PTPRD: variants seen among roughly 807,000 people sequenced by gnomAD.
The protein encoded by PTPRD is protein tyrosine phosphatase receptor type D.
In PTPRD, 34 loss-of-function variants were observed where a neutral mutation model predicts 214.5. That is an observed-to-expected ratio of 0.16 (90% CI 0.12 to 0.21). The LOEUF is 0.21. Ranked by LOEUF, PTPRD falls within the 10% of genes least tolerant of loss-of-function variation. PTPRD has a pLI of 1.00. For synonymous variants in PTPRD, 1,128 were observed against 845.7 expected, an observed-to-expected ratio of 1.33 and a Z score of -5.79; for missense variants, 2,545 against 2,398.7, an observed-to-expected ratio of 1.06 and a Z score of -1.27.
chr9:9,085,723 A>G (rs186188445), intron 10 of PTPRD, among the ~76,000 whole-genome samples: 1 of 152,058 alleles, frequency 6.6e-6, no homozygotes, highest in East Asian at 1.9e-4. Flanking sequence ...TGCCATATAC[A>G]GGGTCAAATG....
chr9:8,477,263 A>G (rs1334576047), intron 30 of PTPRD, among the ~76,000 whole-genome samples: 1 of 152,210 alleles, frequency 6.6e-6, no homozygotes, highest in African/African-American at 2.4e-5. Context: ...CTATTAAAGT[A>G]ATAGAAAAAT....
At chr9:9,761,813 GA>G (rs2098659896) in intron 6 of PTPRD, among the ~76,000 whole-genome samples, 1 of 151,940 alleles carries the variant, frequency 6.6e-6, no homozygotes, top group Non-Finnish European at 1.5e-5. Flanking sequence ...AAACTGAACA[GA>G]ATTAGTCCCA....
intron 2 of PTPRD, among the ~76,000 whole-genome samples, chr9:10,514,474 T>C (rs2049338725): frequency 6.6e-6 from 1 of 151,592 alleles, no homozygotes; most frequent in African/African-American, 2.4e-5. Context: ...TAAAATAAAC[T>C]TTTTTATAAA....
At chr9:9,288,542 C>G (rs1950203939) in intron 9 of PTPRD, among the ~76,000 whole-genome samples, 1 of 151,768 alleles carries the variant, frequency 6.6e-6, no homozygotes, top group African/African-American at 2.4e-5. Context: ...TATTTAAAAA[C>G]AGAAAATTAT....
chr9:8,531,371 T>TTGC (rs2075641612), intron 14 of PTPRD, among the ~76,000 whole-genome samples: 1 of 152,068 alleles, frequency 6.6e-6, no homozygotes. Context: ...AGTTCTGATG[T>TTGC]TGCTGGGGGG....
chr9:8,934,494 A>ATAAATATATAT (rs2098981278), intron 11 of PTPRD, among the ~76,000 whole-genome samples: 1 of 7,434 alleles, frequency 1.3e-4, no homozygotes, highest in Non-Finnish European at 2.6e-4. Flanking sequence ...TATATATATA[A>ATAAATATATAT]ATATATATAT....
intron 9 of PTPRD, among the ~76,000 whole-genome samples, chr9:9,264,237 C>A (rs886302959): frequency 1.3e-5 from 2 of 151,540 alleles, no homozygotes; most frequent in Admixed American, 6.6e-5. Context: ...AACTGCTCAA[C>A]AATTCAAAAT....
intron 36 of PTPRD, 28 bp from the exon 37 acceptor site, chr9:8,389,435 A>G (rs768791051): frequency 6.3e-7 from 1 of 1,577,922 alleles, no homozygotes; most frequent in Non-Finnish European, 8.6e-7. Context: ...TTATTCAACC[A>G]GGTGAGCACA....
chr9:9,233,189 G>A (rs959194119), intron 9 of PTPRD, among the ~76,000 whole-genome samples: 17 of 152,116 alleles, frequency 1.1e-4, no homozygotes, highest in Admixed American at 5.9e-4. Flanking sequence ...CGAGGCCTCA[G>A]GAAACTCACA....
intron 9 of PTPRD, among the ~76,000 whole-genome samples, chr9:9,221,385 CA>C (rs1412858664): frequency 6.6e-6 from 1 of 152,004 alleles, no homozygotes; most frequent in East Asian, 1.9e-4. Flanking sequence ...AAGCAAAAGA[CA>C]AAACAATAAC....
chr9:8,679,498 C>T (rs931685459), intron 12 of PTPRD, among the ~76,000 whole-genome samples: 3 of 152,160 alleles, frequency 2.0e-5, no homozygotes, highest in African/African-American at 4.8e-5. Context: ...TATGAAACTA[C>T]AATTTTACAC....
intron 3 of PTPRD, among the ~76,000 whole-genome samples, chr9:10,190,285 G>C (rs1375569575): frequency 1.4e-5 from 2 of 144,856 alleles, no homozygotes; most frequent in Admixed American, 1.5e-4. Flanking sequence ...ACAATTGCTT[G>C]AACCAGGAGG....
At chr9:10,094,625 T>G (rs1276509201) in intron 3 of PTPRD, among the ~76,000 whole-genome samples, 1 of 149,192 alleles carries the variant, frequency 6.7e-6, no homozygotes, top group Non-Finnish European at 1.5e-5. Context: ...ATTACCCACA[T>G]CTGTCATATG....
At chr9:8,414,606 G>C (rs1009016577) in intron 35 of PTPRD, among the ~76,000 whole-genome samples, 2 of 144,952 alleles carry the variant, frequency 1.4e-5, no homozygotes, top group Admixed American at 1.4e-4. Flanking sequence ...TTCCAGAATG[G>C]AGCTCTACAA....
chr9:10,211,966 A>G (rs1158023299), intron 3 of PTPRD, among the ~76,000 whole-genome samples: 1 of 152,130 alleles, frequency 6.6e-6, no homozygotes, highest in Non-Finnish European at 1.5e-5. Flanking sequence ...TTTTTAAAAC[A>G]AGATACAGCA....
In PTPRD at chr9:8,761,351, ATATAT is replaced by A. The variant is rs372524273; in HGVS notation, c.-103-27410_-103-27406del. ...AAGAATAATTTGATAAAGTGATAAC[ATATAT>A]TATAACTAACAAAACTGAAAGACTT... is the stretch of plus-strand genomic sequence containing the variant. On this transcript the variant is annotated intron_variant, in intron 11 of 45. Transcript: ENST00000381196. Among the ~76,000 whole-genome samples the A allele has an allele frequency of 2.2e-4, 33 of 152,326 alleles. No individual in the cohort carries two copies. The East Asian group carries it at 6.2e-3, about 28-fold the overall frequency.
At chr9:10,373,404 T>C (rs1032073901) in intron 2 of PTPRD, among the ~76,000 whole-genome samples, 1 of 152,224 alleles carries the variant, frequency 6.6e-6, no homozygotes, top group South Asian at 2.1e-4. Flanking sequence ...TCAGATTATT[T>C]TGTATTTGAA....
At chr9:9,555,479 A>C (rs1414405386) in intron 8 of PTPRD, among the ~76,000 whole-genome samples, 1 of 152,030 alleles carries the variant, frequency 6.6e-6, no homozygotes, top group Non-Finnish European at 1.5e-5. Flanking sequence ...AGTTTCATCA[A>C]CTCTGGAAAC....
At chr9:9,228,409 ATG>A (rs1352246955) in intron 9 of PTPRD, among the ~76,000 whole-genome samples, 1 of 152,096 alleles carries the variant, frequency 6.6e-6, no homozygotes, top group Non-Finnish European at 1.5e-5. Flanking sequence ...ACATATGTGC[ATG>A]TGTATTTGCA....
Sources: gnomAD v4.1 joint callset for allele counts (sites outside exome capture counted in the v4.1 genomes callset) on GRCh38, gnomAD v4.1.1 for gene constraint, MANE v1.5 for transcripts, NCBI Gene and HGNC (gene_info 2026-07-23, HGNC 2026-07-21) for gene names.